Variants in ZC3H13 observed in about 807,000 individuals in gnomAD.
The protein encoded by ZC3H13 is zinc finger CCCH domain-containing protein 13.
A neutral mutation model predicts 204.1 loss-of-function variants in ZC3H13; 64 were observed. The observed-to-expected ratio is 0.31, with a 90% CI of 0.26 to 0.39. The LOEUF is 0.39. Ranked by LOEUF, ZC3H13 falls within the 10% of genes least tolerant of loss-of-function variation. The probability of loss-of-function intolerance (pLI) is 1.00; values close to 1 mark genes in which losing one functional copy is unlikely to be tolerated. For missense variants in ZC3H13, 1,833 were observed against 2,082.7 expected, an observed-to-expected ratio of 0.88 and a Z score of 2.33; for synonymous variants, 667 against 693.7, an observed-to-expected ratio of 0.96 and a Z score of 0.60.
chr13:45,980,422 T>C, intron 10 of ZC3H13, among the ~76,000 whole-genome samples: 1 of 152,208 alleles, frequency 6.6e-6, no homozygotes, highest in East Asian at 1.9e-4. Context: ...CCAAGGTTAA[T>C]GACAACATTA....
At chr13:45,982,943 CA>C (rs1953784493) in intron 10 of ZC3H13, among the ~76,000 whole-genome samples, 1 of 152,048 alleles carries the variant, frequency 6.6e-6, no homozygotes, top group South Asian at 2.1e-4. Flanking sequence ...TACCTAATAG[CA>C]AAGCTTCAAA....
intron 17 of ZC3H13, among the ~76,000 whole-genome samples, chr13:45,959,944 AC>A: frequency 1.3e-5 from 2 of 151,706 alleles, no homozygotes; most frequent in East Asian, 1.9e-4. Flanking sequence ...TTAATTTTAA[AC>A]AATTTATTTA....
intron 1 of ZC3H13, among the ~76,000 whole-genome samples, chr13:46,049,449 C>A (rs2044248404): frequency 6.6e-6 from 1 of 152,136 alleles, no homozygotes; most frequent in Admixed American, 6.5e-5. Context: ...AAAACTTCCA[C>A]AAGTAGTCAA....
At chr13:45,985,883 A>G in intron 9 of ZC3H13, 122 bp from the exon 10 acceptor site, 1 of 889,554 alleles carries the variant, frequency 1.1e-6, no homozygotes, top group Non-Finnish European at 1.6e-6. Flanking sequence ...TCTTTGCAAA[A>G]AATAAAGAAG....
chr13:46,043,246 G>A (rs2404730), intron 3 of ZC3H13, among the ~76,000 whole-genome samples: 113,907 of 151,854 alleles, frequency 0.75, 43,209 homozygotes, highest in African/African-American at 0.85. Flanking sequence ...AATCAAATCA[G>A]TTCCTTGATT....
At chr13:46,018,890 A>T (rs1014024345) in intron 5 of ZC3H13, among the ~76,000 whole-genome samples, 9 of 152,188 alleles carry the variant, frequency 5.9e-5, no homozygotes, top group African/African-American at 2.2e-4. Context: ...TGGGTGTGTT[A>T]AAAGGTAACC....
chr13:46,020,874 T>C (rs570685599), intron 4 of ZC3H13, among the ~76,000 whole-genome samples: 45 of 152,184 alleles, frequency 3.0e-4, no homozygotes, highest in African/African-American at 7.9e-4. Flanking sequence ...TGTAAAAATA[T>C]ACAATGCAAA....
Position 45,965,321 on chromosome 13 carries a change from G to A in ZC3H13, c.4433C>T (p.Ala1478Val). Residue 1478 changes from alanine to valine, a missense_variant, in exon 16 of 19, where the codon GCA (alanine) becomes GTA (valine). Coordinates refer to ENST00000679008, the MANE Select transcript of ZC3H13 (RefSeq NM_001330564.2). The part of the protein sequence containing the change: ...DELDEILAGD[A>V]EKREDQQDEE... ...ATCCTGTTGGTCCTCCCTCTTTTCT[G>A]CATCACCTGCCAGAATTTCATCTAG... The A allele has an allele frequency of 6.2e-7, 1 of 1,613,318 alleles. No homozygotes were observed.
chr13:45,969,366 C>T lies in ZC3H13; in HGVS notation c.3178G>A (p.Glu1060Lys). 6.2e-7 allele frequency: 1 copy of T among 1,614,054 alleles called. No homozygotes were observed. Among genetic ancestry groups the T allele is most frequent in the Non-Finnish European group, 8.5e-7 (1 of 1,180,016 alleles). Reference sequence around the variant, plus strand: ...GACCAGTCACTGAATGCTGTATCTTCTTTTTTCTGGGAGTCCTCTAGAATA... The same window carrying T: ...GACCAGTCACTGAATGCTGTATCTTTTTTTTTCTGGGAGTCCTCTAGAATA... ...NGILEDSQKK[E>K]DTAFSDWSDE... is the part of the protein sequence containing the mutation. Residue 1060 changes from glutamate (E) to lysine (K), a missense_variant, in exon 14 of 19, where the codon GAA (glutamate) becomes AAA (lysine). Transcript: ENST00000679008.
intron 17 of ZC3H13, chr13:45,963,342 T>C (rs1301351376): frequency 3.0e-6 from 3 of 986,608 alleles, no homozygotes; most frequent in Middle Eastern, 5.2e-4. Context: ...ATGAAAAATA[T>C]GTAGTCTGTT....
At chr13:46,037,489 G>T (rs560959640) in intron 4 of ZC3H13, among the ~76,000 whole-genome samples, 1 of 152,148 alleles carries the variant, frequency 6.6e-6, no homozygotes, top group East Asian at 1.9e-4. Context: ...ATATTTAGGG[G>T]TCTAATTTTG....
intron 8 of ZC3H13, among the ~76,000 whole-genome samples, chr13:45,992,062 A>C (rs935431983): frequency 1.3e-5 from 2 of 152,174 alleles, no homozygotes; most frequent in Admixed American, 6.5e-5. Flanking sequence ...TAATGCACTA[A>C]CATTCATATT....
chr13:46,003,015 AAT>A, intron 8 of ZC3H13, 122 bp downstream of exon 8: 1 of 757,316 alleles, frequency 1.3e-6, no homozygotes, highest in Non-Finnish European at 2.1e-6. Context: ...TATTAAAATA[AAT>A]ATACACACTA....
chr13:45,966,630 T>C (rs1469870413), intron 15 of ZC3H13, among the ~76,000 whole-genome samples: 1 of 152,162 alleles, frequency 6.6e-6, no homozygotes, highest in Non-Finnish European at 1.5e-5. Flanking sequence ...TAATGATTAA[T>C]TCAATTATAT....
intron 16 of ZC3H13, 91 bp downstream of exon 16, chr13:45,965,189 T>C (rs1347763644): frequency 4.1e-6 from 6 of 1,450,786 alleles, no homozygotes; most frequent in Non-Finnish European, 2.7e-6. Context: ...TCTAAGTGTC[T>C]TAGGTCAATT....
rs756061671 is a variant in ZC3H13 at position 45,967,871 on chromosome 13, C to T, written c.3954G>A (p.Thr1318=). 4.2e-5 allele frequency: 68 copies of T among 1,613,880 alleles called. No individual in the cohort carries two copies. Among genetic ancestry groups the T allele is most frequent in the Middle Eastern group, 3.3e-4 (2 of 6,080 alleles). Residue 1318 remains threonine, a synonymous_variant, in exon 15 of 19, where the codon ACG becomes ACA. Transcript: ENST00000679008. ...DRERERERRD[T]RQREWDRDAD... ...CATCTCGGTCCCATTCTCTCTGCCT[C>T]GTATCTCTCCTCTCTCTCTCGCGCT...
intron 1 of ZC3H13, among the ~76,000 whole-genome samples, chr13:46,048,763 T>C (rs994917722): frequency 9.2e-5 from 14 of 152,036 alleles, no homozygotes; most frequent in Admixed American, 5.9e-4. Context: ...TTCACCTACA[T>C]AGTAATTATC....
At position 46,045,394 on chromosome 13, in the gene ZC3H13, T is replaced by C; in HGVS notation, c.114A>G (p.Ala38=). The C allele has an allele frequency of 6.2e-7, 1 of 1,613,356 alleles. No homozygotes were observed. Among genetic ancestry groups the C allele is most frequent in the Non-Finnish European group, 8.5e-7 (1 of 1,179,258 alleles). ...ERLGPSTGST[A]ETQCRNWLKT... Reference sequence around the variant, plus strand: ...GACTATACTAGTGACAACTCACCTCTGCTGTACTGCCAGTGCTGGGTCCAA... The same window carrying C: ...GACTATACTAGTGACAACTCACCTCCGCTGTACTGCCAGTGCTGGGTCCAA... Residue 38 remains alanine, a synonymous_variant, in exon 2 of 19, where the codon GCA becomes GCG. Transcript: ENST00000679008.
At chr13:45,976,279 A>C in intron 11 of ZC3H13, 1 of 985,348 alleles carries the variant, frequency 1.0e-6, no homozygotes, top group Non-Finnish European at 1.2e-6. Context: ...AAGGAAAAAA[A>C]AAATTTCCCT....
Sources: gnomAD v4.1 joint callset for allele counts (sites outside exome capture counted in the v4.1 genomes callset) on GRCh38, gnomAD v4.1.1 for gene constraint, MANE v1.5 for transcripts, NCBI Gene and HGNC (gene_info 2026-07-23, HGNC 2026-07-21) for gene names.